GRIK4: variants seen among roughly 807,000 people sequenced by gnomAD.
The protein encoded by GRIK4 is glutamate receptor ionotropic, kainate 4.
Under a neutral mutation model 104.9 loss-of-function variants are expected in GRIK4, and 40 were observed. That is an observed-to-expected ratio of 0.38 (90% CI 0.30 to 0.50). The LOEUF is 0.50. Ranked by LOEUF, GRIK4 falls within the 20% of genes least tolerant of loss-of-function variation. GRIK4 has a pLI of 0.93. For synonymous variants in GRIK4, 485 were observed against 524.9 expected, an observed-to-expected ratio of 0.92 and a Z score of 1.04; for missense variants, 1,047 against 1,308.1, an observed-to-expected ratio of 0.80 and a Z score of 3.08.
At chr11:120,586,175 A>G (rs1019107319) in intron 1 of GRIK4, among the ~76,000 whole-genome samples, 2 of 152,124 alleles carry the variant, frequency 1.3e-5, no homozygotes, top group Non-Finnish European at 2.9e-5. Flanking sequence ...GGTGGAGTAC[A>G]TGGGGGAGTA....
rs1358004159 is a variant in GRIK4, at chr11:120,940,855, G to A, written c.1590+395G>A. Among the ~76,000 whole-genome samples, 1 of 152,208 alleles carries A rather than the reference G, an allele frequency of 6.6e-6. No individual in the cohort carries two copies. Among genetic ancestry groups the A allele is most frequent in the Non-Finnish European group, 1.5e-5 (1 of 68,034 alleles). The stretch of plus-strand genomic sequence containing the variant: ...GTTCACTTCTAGTGTTGCATTTGGC[G>A]AGGGAATGTAGATTCCTTCTCTCTC... On this transcript the variant is annotated intron_variant, in intron 14 of 20. Coordinates refer to ENST00000527524, the MANE Select transcript of GRIK4 (RefSeq NM_014619.5). This position sits in a 1 kb window ranked among gnomAD's most constrained non-coding sequence, Gnocchi z 4.3.
At chr11:120,817,930 C>G (rs1371105324) in intron 5 of GRIK4, among the ~76,000 whole-genome samples, 2 of 152,228 alleles carry the variant, frequency 1.3e-5, no homozygotes, top group Admixed American at 6.5e-5. Flanking sequence ...CTATTATATA[C>G]CCTACACACA....
At chr11:120,712,140 G>C (rs1950745200) in intron 3 of GRIK4, among the ~76,000 whole-genome samples, 1 of 152,176 alleles carries the variant, frequency 6.6e-6, no homozygotes, top group South Asian at 2.1e-4. Flanking sequence ...TACTCCACTA[G>C]CACACATACA....
intron 16 of GRIK4, among the ~76,000 whole-genome samples, chr11:120,958,650 G>A (rs734167): frequency 0.16 from 23,721 of 152,222 alleles, 2,322 homozygotes; most frequent in East Asian, 0.33. Flanking sequence ...TGAGCCCTCC[G>A]GAAGCGGGCA....
At chr11:120,714,028 T>C (rs903533168) in intron 3 of GRIK4, among the ~76,000 whole-genome samples, 2 of 152,220 alleles carry the variant, frequency 1.3e-5, no homozygotes, top group African/African-American at 4.8e-5. Context: ...GGCTCATCAC[T>C]CATTCCTCTT....
At chr11:120,544,664 A>C (rs1044654104) in intron 1 of GRIK4, among the ~76,000 whole-genome samples, 1 of 152,056 alleles carries the variant, frequency 6.6e-6, no homozygotes, top group Non-Finnish European at 1.5e-5. Flanking sequence ...TGTTATTAGG[A>C]AGTTGTGTCC....
At chr11:120,573,072 C>T (rs1016236322) in intron 1 of GRIK4, among the ~76,000 whole-genome samples, 5 of 152,060 alleles carry the variant, frequency 3.3e-5, no homozygotes, top group African/African-American at 1.2e-4. Context: ...GTGTTTAAAG[C>T]GAAGTGTTCT....
At chr11:120,935,183 C>G (rs1031355564) in intron 13 of GRIK4, among the ~76,000 whole-genome samples, 3 of 152,138 alleles carry the variant, frequency 2.0e-5, no homozygotes, top group Non-Finnish European at 4.4e-5. Flanking sequence ...CTGCTTGAAC[C>G]CTTTCATTTT....
chr11:120,712,648 T>C (rs1407365526), intron 3 of GRIK4, among the ~76,000 whole-genome samples: 1 of 151,870 alleles, frequency 6.6e-6, no homozygotes, highest in East Asian at 1.9e-4. Context: ...AAACTTCTAC[T>C]TAAATTCTGC....
rs553472699 is a variant in GRIK4, at chr11:120,518,449, A to G, written c.-159+6562A>G. Among the ~76,000 whole-genome samples the G allele has an allele frequency of 7.2e-5, 11 of 152,176 alleles. No individual in the cohort carries two copies. The East Asian group carries it at 1.5e-3, about 21-fold the overall frequency. On this transcript the variant is annotated intron_variant, in intron 1 of 20. Transcript: ENST00000527524. The stretch of plus-strand genomic sequence containing the variant: ...TGGGGATTTGGGAGGCAGCAAAGCT[A>G]TATATATTTTTTTTAATCAGAAAAG...
intron 3 of GRIK4, among the ~76,000 whole-genome samples, chr11:120,730,124 G>A (rs1003440270): frequency 2.6e-5 from 4 of 152,104 alleles, no homozygotes; most frequent in African/African-American, 9.7e-5. Flanking sequence ...GGAGGCTGAG[G>A]TGGGTGTACC....
chr11:120,664,943 G>C (rs1028018967), intron 3 of GRIK4, among the ~76,000 whole-genome samples: 1 of 151,884 alleles, frequency 6.6e-6, no homozygotes, highest in Non-Finnish European at 1.5e-5. Flanking sequence ...TCCCTGTGTG[G>C]TAAAGCAGCA....
intron 8 of GRIK4, among the ~76,000 whole-genome samples, chr11:120,837,433 T>C (rs547914246): frequency 1.3e-5 from 2 of 152,342 alleles, no homozygotes; most frequent in South Asian, 2.1e-4. Context: ...CAGCCTTCTC[T>C]TGAACTTGAG....
rs5795242 is a variant in GRIK4, at chr11:120,736,449, A to ACACACTG, written c.83-66243_83-66242insACACTGC. ...ACTTCGACTGGTGTCTACCTAGGTC[A>ACACACTG]CTCCAGTCCACTGGCTCTAAGCCCA... On this transcript the variant is annotated intron_variant, in intron 3 of 20. Coordinates refer to ENST00000527524, the MANE Select transcript of GRIK4 (RefSeq NM_014619.5). Among the ~76,000 whole-genome samples, 850 of 151,584 alleles carry ACACACTG rather than the reference A, an allele frequency of 5.6e-3. 5 individuals are homozygous for ACACACTG. The highest frequency in any genetic ancestry group is 0.014 in the African/African-American group (597 of 41,326).
intron 1 of GRIK4, among the ~76,000 whole-genome samples, chr11:120,568,067 A>G (rs1948352719): frequency 6.6e-6 from 1 of 152,184 alleles, no homozygotes; most frequent in Non-Finnish European, 1.5e-5. Context: ...AATCCCAGCT[A>G]CTTGGGAGGT....
At chr11:120,631,940 G>A (rs1949338160) in intron 1 of GRIK4, among the ~76,000 whole-genome samples, 1 of 152,156 alleles carries the variant, frequency 6.6e-6, no homozygotes, top group Non-Finnish European at 1.5e-5. Flanking sequence ...TCCCAGGTTT[G>A]AAGTCCAGCA....
At chr11:120,851,861 C>G (rs1222655134) in intron 8 of GRIK4, among the ~76,000 whole-genome samples, 4 of 152,228 alleles carry the variant, frequency 2.6e-5, no homozygotes, top group Non-Finnish European at 5.9e-5. Flanking sequence ...CACTGATTAA[C>G]AGCATCGCTC....
At chr11:120,601,204 G>A (rs911527143) in intron 1 of GRIK4, among the ~76,000 whole-genome samples, 3 of 152,086 alleles carry the variant, frequency 2.0e-5, no homozygotes, top group African/African-American at 7.2e-5. Context: ...TCAGGAGTTT[G>A]AGACCAGCCT....
intron 6 of GRIK4, among the ~76,000 whole-genome samples, chr11:120,829,606 C>T (rs921776518): frequency 2.0e-5 from 3 of 152,190 alleles, no homozygotes; most frequent in Admixed American, 6.5e-5. Flanking sequence ...TGCCTCACCG[C>T]GCCTGCCCTT....
Sources: allele counts gnomAD v4.1 joint callset (sites outside exome capture counted in the v4.1 genomes callset), GRCh38; gene constraint gnomAD v4.1.1; non-coding constraint Gnocchi (gnomAD v3.1); transcripts MANE v1.5; gene names NCBI Gene and HGNC (gene_info 2026-07-23, HGNC 2026-07-21).